Variants in GABRB3 observed in about 807,000 individuals in gnomAD.
GABRB3 encodes the protein gamma-aminobutyric acid type A receptor subunit beta3, also known as gamma-aminobutyric acid receptor subunit beta-3.
In GABRB3, 14 loss-of-function variants were observed where a neutral mutation model predicts 52.1. That is an observed-to-expected ratio of 0.27 (90% CI 0.18 to 0.42). The LOEUF (loss-of-function observed/expected upper bound fraction) is 0.42. Ranked by LOEUF, GABRB3 falls within the 10% of genes least tolerant of loss-of-function variation. The pLI is 1.00. For missense variants in GABRB3, 307 were observed against 609.1 expected (o/e 0.50, Z 5.22); for synonymous variants, 260 against 232.3 (o/e 1.12, Z -1.08).
intron 4 of GABRB3, among the ~76,000 whole-genome samples, chr15:26,595,697 T>A (rs998889305): frequency 6.6e-6 from 1 of 152,218 alleles, no homozygotes; most frequent in Non-Finnish European, 1.5e-5. Flanking sequence ...CATTCTGACT[T>A]CTGATTAACC....
At chr15:26,773,651 G>A, upstream of GABRB3, 3 of 1,564,926 alleles carry the variant, frequency 1.9e-6, no homozygotes, top group South Asian at 2.4e-5. Flanking sequence ...TCACCTGCGG[G>A]GCTCAGAGCC....
rs1174264911 is a variant in GABRB3 at position 26,580,413 on chromosome 15, C to T, written c.588G>A (p.Gly196=). 1 of 1,614,170 alleles carries T rather than the reference C, an allele frequency of 6.2e-7. No individual in the cohort carries two copies. Among genetic ancestry groups the T allele is most frequent in the East Asian group, 2.2e-5 (1 of 44,870 alleles). The part of the protein sequence containing the change: ...TDDIEFYWRG[G]DKAVTGVERI... ...TTTCCACTCCGGTAACAGCCTTGTC[C>T]CCGCCTCGCCAGTAAAACTCAATGT... Residue 196 remains glycine (G), a synonymous_variant, in exon 6 of 9, where the codon GGG becomes GGA. Coordinates refer to ENST00000311550, the MANE Select transcript of GABRB3 (RefSeq NM_000814.6).
intron 3 of GABRB3, among the ~76,000 whole-genome samples, chr15:26,682,718 T>A (rs1192077407): frequency 6.6e-6 from 1 of 152,216 alleles, no homozygotes; most frequent in Non-Finnish European, 1.5e-5. Flanking sequence ...CACTCCCTCA[T>A]GCCTGGAGGC....
intron 4 of GABRB3, among the ~76,000 whole-genome samples, chr15:26,600,089 T>G (rs569716544): frequency 1.2e-3 from 180 of 151,808 alleles, no homozygotes; most frequent in Non-Finnish European, 2.1e-3. Context: ...CTACAATGAT[T>G]GAACTAAAAA....
At position 26,546,238 on chromosome 15, in the gene GABRB3, C is replaced by T. The variant is rs759418898; in HGVS notation, c.*1555G>A. ...AACTTCACTGTGACACCTGTTTGCA[C>T]AACTGTAGTCATTTCAGTTTATGGA... On this transcript the variant is annotated 3_prime_UTR_variant, in exon 9 of 9. Transcript: ENST00000311550. 2.6e-5 allele frequency: 4 copies of T among 152,510 alleles called. No individual in the cohort carries two copies. The highest frequency in any genetic ancestry group is 5.9e-5 in the Non-Finnish European group (4 of 68,008). The allele number at this position is 152,510 out of a possible 1,614,324, so 9.4% of individuals were successfully genotyped here. A position where few individuals can be genotyped will look rare whatever the true frequency, so the allele number is the denominator to read the frequency against.
intron 3 of GABRB3, among the ~76,000 whole-genome samples, chr15:26,624,006 A>G (rs1337033069): frequency 6.6e-6 from 1 of 152,152 alleles, no homozygotes; most frequent in African/African-American, 2.4e-5. Context: ...TAAAACACAA[A>G]GCCGCCTGTG....
intron 3 of GABRB3, among the ~76,000 whole-genome samples, chr15:26,702,970 C>T (rs1941301905): frequency 6.6e-6 from 1 of 152,118 alleles, no homozygotes; most frequent in Admixed American, 6.5e-5. Flanking sequence ...TGGTTAAGGG[C>T]CCTCTTCCTG....
chr15:26,587,010 G>C (rs1001605738), intron 4 of GABRB3, among the ~76,000 whole-genome samples: 1 of 152,112 alleles, frequency 6.6e-6, no homozygotes, highest in Non-Finnish European at 1.5e-5. Context: ...GTAGAGTATT[G>C]TACATTTCAA....
chr15:26,697,471 C>T (rs990579097), intron 3 of GABRB3, among the ~76,000 whole-genome samples: 2 of 152,096 alleles, frequency 1.3e-5, no homozygotes, highest in Non-Finnish European at 2.9e-5. Flanking sequence ...AAGCCTCCTA[C>T]CCCTGCTGAG....
intron 3 of GABRB3, among the ~76,000 whole-genome samples, chr15:26,742,286 G>A (rs1890227825): frequency 6.6e-6 from 1 of 151,238 alleles, no homozygotes; most frequent in Non-Finnish European, 1.5e-5. Context: ...TACTGCACTG[G>A]ATCTTTACCC....
intron 3 of GABRB3, among the ~76,000 whole-genome samples, chr15:26,639,874 T>TCAGG (rs1893152105): frequency 6.6e-6 from 1 of 152,204 alleles, no homozygotes; most frequent in Non-Finnish European, 1.5e-5. Context: ...TGCACACATA[T>TCAGG]CAGGCAGGCA....
chr15:26,562,072 T>C (rs952163232), intron 7 of GABRB3, among the ~76,000 whole-genome samples: 5 of 152,138 alleles, frequency 3.3e-5, no homozygotes, highest in African/African-American at 7.2e-5. Flanking sequence ...CTCCCTCCCA[T>C]AGCAATAGAC....
At chr15:26,699,084 C>T (rs931600176) in intron 3 of GABRB3, among the ~76,000 whole-genome samples, 2 of 151,954 alleles carry the variant, frequency 1.3e-5, no homozygotes, top group African/African-American at 4.8e-5. Flanking sequence ...GAAAAACGGA[C>T]ACAAAGTGCA....
At chr15:26,570,431 C>T (rs936235902) in intron 6 of GABRB3, among the ~76,000 whole-genome samples, 1 of 152,218 alleles carries the variant, frequency 6.6e-6, no homozygotes. Flanking sequence ...TGGCTCTGGG[C>T]CTTGCGCGAC....
At chr15:26,707,424 C>A (rs191984759) in intron 3 of GABRB3, among the ~76,000 whole-genome samples, 2 of 152,056 alleles carry the variant, frequency 1.3e-5, no homozygotes, top group African/African-American at 2.4e-5. Flanking sequence ...CTGGAAAAGA[C>A]GGCAGAGACT....
intron 3 of GABRB3, among the ~76,000 whole-genome samples, chr15:26,708,460 G>A (rs1889177174): frequency 6.6e-6 from 1 of 152,204 alleles, no homozygotes; most frequent in South Asian, 2.1e-4. Context: ...GGGACAGGCA[G>A]TCAATGAGGG....
intron 8 of GABRB3, among the ~76,000 whole-genome samples, chr15:26,552,028 T>TA (rs1017650365): frequency 6.6e-6 from 1 of 151,894 alleles, no homozygotes; most frequent in South Asian, 2.1e-4. Context: ...TTTTTTGAGA[T>TA]AGAGTTTCAC....
At chr15:26,563,935 G>A (rs917098390) in intron 7 of GABRB3, among the ~76,000 whole-genome samples, 1 of 152,032 alleles carries the variant, frequency 6.6e-6, no homozygotes, top group Non-Finnish European at 1.5e-5. Flanking sequence ...TAATTTCTTT[G>A]CATTATTTAG....
At chr15:26,584,473 A>G (rs879923752) in intron 4 of GABRB3, among the ~76,000 whole-genome samples, 1 of 152,170 alleles carries the variant, frequency 6.6e-6, no homozygotes, top group Non-Finnish European at 1.5e-5. Context: ...TTCTGCTATT[A>G]CAGAAATTGT....
Sources: gnomAD v4.1 joint callset for allele counts (sites outside exome capture counted in the v4.1 genomes callset) on GRCh38, gnomAD v4.1.1 for gene constraint, MANE v1.5 for transcripts, NCBI Gene and HGNC (gene_info 2026-07-23, HGNC 2026-07-21) for gene names.